DNAJC1: variants seen among roughly 807,000 people sequenced by gnomAD.
DNAJC1 encodes the protein DnaJ heat shock protein family (Hsp40) member C1, also known as dnaJ homolog subfamily C member 1.
Under a neutral mutation model 76.6 loss-of-function variants are expected in DNAJC1, and 58 were observed. The ratio of observed to expected loss-of-function variants is 0.76; its 90% confidence interval spans 0.61 to 0.94. DNAJC1 has a LOEUF of 0.94. Ranked by LOEUF, DNAJC1 falls within the 40% of genes least tolerant of loss-of-function variation. The pLI is 0.00. For synonymous variants in DNAJC1, 258 were observed against 267.9 expected (o/e 0.96, Z 0.36); for missense variants, 689 against 677.3 (o/e 1.02, Z -0.19).
In DNAJC1 at chr10:21,970,300, A is replaced by G. The variant is rs189568531; in HGVS notation, c.222+32913T>C. 2.2e-3 allele frequency among the ~76,000 whole-genome samples: 342 copies of G among 152,228 alleles called. 3 individuals carry two copies. Among genetic ancestry groups the G allele is most frequent in the African/African-American group, 7.8e-3 (325 of 41,570 alleles). Reference sequence around the variant, plus strand: ...CATTCTGAAAGCTGAATTATCTAATAAATTAATACTCTCATTTTCATCTTG... The same window carrying G: ...CATTCTGAAAGCTGAATTATCTAATGAATTAATACTCTCATTTTCATCTTG... On this transcript the variant is annotated intron_variant, in intron 1 of 11. Coordinates refer to ENST00000376980, the MANE Select transcript of DNAJC1 (RefSeq NM_022365.4).
intron 1 of DNAJC1, among the ~76,000 whole-genome samples, chr10:21,977,136 G>A (rs751150977): frequency 3.3e-5 from 5 of 152,004 alleles, no homozygotes; most frequent in South Asian, 2.1e-4. Flanking sequence ...TTACTCTCCC[G>A]GCAATTCTCA....
chr10:21,894,820 A>T (rs1229019696), intron 7 of DNAJC1, among the ~76,000 whole-genome samples: 2 of 152,210 alleles, frequency 1.3e-5, no homozygotes, highest in Non-Finnish European at 2.9e-5. Flanking sequence ...GGCTTCACAC[A>T]GCATGCTGTC....
chr10:21,850,487 A>G (rs1467609566), intron 8 of DNAJC1, among the ~76,000 whole-genome samples: 3 of 151,738 alleles, frequency 2.0e-5, no homozygotes, highest in Non-Finnish European at 4.4e-5. Context: ...ATGGAACGAC[A>G]TCCCATGTTC....
At chr10:21,867,618 AC>A (rs1836024101) in intron 8 of DNAJC1, among the ~76,000 whole-genome samples, 1 of 152,118 alleles carries the variant, frequency 6.6e-6, no homozygotes, top group Non-Finnish European at 1.5e-5. Flanking sequence ...GACCCTGAAA[AC>A]CCAGGAGTAG....
chr10:21,817,784 T>C (rs1395645237), intron 8 of DNAJC1, among the ~76,000 whole-genome samples: 2 of 152,332 alleles, frequency 1.3e-5, no homozygotes, highest in East Asian at 3.9e-4. Flanking sequence ...TAATTTCTTA[T>C]GCCTGTCTTT....
At position 21,882,180 on chromosome 10, in the gene DNAJC1, G is replaced by A. The variant is rs1564816344; in HGVS notation, c.978+102C>T. The stretch of plus-strand genomic sequence containing the variant: ...AACAAAACAAAACAATAGTATTTGT[G>A]AAGTGCAATAAAACAAAGCACTATA... On this transcript the variant is annotated intron_variant, in intron 8 of 11. Transcript: ENST00000376980. 7 of 1,087,396 alleles carry A rather than the reference G, an allele frequency of 6.4e-6. No homozygotes were observed. In the South Asian group the frequency reaches 1.1e-4, roughly 16 times the overall value. 67.4% of individuals were successfully genotyped at this position (1,087,396 alleles called of 1,614,324 possible). A position where few individuals can be genotyped will look rare whatever the true frequency, so the allele number is the denominator to read the frequency against.
intron 8 of DNAJC1, among the ~76,000 whole-genome samples, chr10:21,847,298 C>T (rs1835675498): frequency 6.6e-6 from 1 of 152,052 alleles, no homozygotes. Flanking sequence ...TACTTTCTCC[C>T]AATTTTCTTC....
At chr10:21,923,216 GAT>G (rs1564828542) in intron 3 of DNAJC1, among the ~76,000 whole-genome samples, 2 of 151,800 alleles carry the variant, frequency 1.3e-5, no homozygotes, top group South Asian at 4.1e-4. Context: ...ATGCTCTATT[GAT>G]TTTACTATCA....
At chr10:21,768,329 A>G (rs1834325983) in intron 9 of DNAJC1, among the ~76,000 whole-genome samples, 2 of 152,210 alleles carry the variant, frequency 1.3e-5, no homozygotes, top group African/African-American at 2.4e-5. Flanking sequence ...ATGAAATTTG[A>G]AAGTAAAATG....
intron 6 of DNAJC1, among the ~76,000 whole-genome samples, chr10:21,914,915 A>G (rs1301050275): frequency 6.6e-6 from 1 of 152,166 alleles, no homozygotes; most frequent in African/African-American, 2.4e-5. Context: ...TTCTCTGACT[A>G]TCTACAGAAG....
At chr10:21,965,728 C>G (rs1837879049) in intron 1 of DNAJC1, among the ~76,000 whole-genome samples, 1 of 152,220 alleles carries the variant, frequency 6.6e-6, no homozygotes, top group African/African-American at 2.4e-5. Context: ...GAACACACCT[C>G]CCCATATATA....
intron 8 of DNAJC1, among the ~76,000 whole-genome samples, chr10:21,807,391 T>C (rs1480337956): frequency 6.6e-6 from 1 of 152,168 alleles, no homozygotes; most frequent in Non-Finnish European, 1.5e-5. Flanking sequence ...CCTGCCTCAC[T>C]GCAAGCTTAA....
chr10:21,906,454 C>T (rs559191543), intron 6 of DNAJC1, among the ~76,000 whole-genome samples: 6 of 152,246 alleles, frequency 3.9e-5, no homozygotes, highest in East Asian at 3.9e-4. Flanking sequence ...AGCTTATTAG[C>T]TTCTTTCCAC....
intron 8 of DNAJC1, among the ~76,000 whole-genome samples, chr10:21,880,479 A>C (rs1836256451): frequency 6.6e-6 from 1 of 152,186 alleles, no homozygotes; most frequent in Non-Finnish European, 1.5e-5. Context: ...CTTAAGTTGG[A>C]AGGGCTCCTT....
intron 7 of DNAJC1, among the ~76,000 whole-genome samples, chr10:21,901,030 C>G (rs560614284): frequency 6.6e-6 from 1 of 152,164 alleles, no homozygotes; most frequent in African/African-American, 2.4e-5. Flanking sequence ...TCTGTCCCCC[C>G]ACTTTCTCGC....
At chr10:21,770,392 CTTCT>C (rs1273022979) in intron 9 of DNAJC1, among the ~76,000 whole-genome samples, 10 of 134,532 alleles carry the variant, frequency 7.4e-5, no homozygotes, top group East Asian at 4.2e-4. Context: ...TTATTTTTTT[CTTCT>C]TTTTTTTTTT....
At chr10:21,789,628 T>C (rs1190871621) in intron 9 of DNAJC1, among the ~76,000 whole-genome samples, 5 of 150,954 alleles carry the variant, frequency 3.3e-5, no homozygotes, top group African/African-American at 1.2e-4. Flanking sequence ...GGAAAAAAAA[T>C]CATGATATAA....
intron 7 of DNAJC1, among the ~76,000 whole-genome samples, chr10:21,892,496 C>T (rs998861029): frequency 1.3e-5 from 2 of 151,526 alleles, no homozygotes; most frequent in African/African-American, 4.8e-5. Flanking sequence ...AATAAAATGG[C>T]AAACTTAAGC....
At chr10:21,805,762 C>G (rs1001563588) in intron 9 of DNAJC1, among the ~76,000 whole-genome samples, 1 of 152,164 alleles carries the variant, frequency 6.6e-6, no homozygotes, top group African/African-American at 2.4e-5. Context: ...GCTTAAGTCT[C>G]TAAACACTAG....
Sources: allele counts gnomAD v4.1 joint callset (sites outside exome capture counted in the v4.1 genomes callset), GRCh38; gene constraint gnomAD v4.1.1; transcripts MANE v1.5; gene names NCBI Gene and HGNC (gene_info 2026-07-23, HGNC 2026-07-21).